The following FGF12 variants were observed in gnomAD, a reference collection of about 807,000 sequenced individuals.
FGF12 encodes the protein fibroblast growth factor 12, also known as fibroblast growth factor 12B.
FGF12 carries 14 observed loss-of-function variants against 23.6 expected under a neutral mutation model. The ratio of observed to expected loss-of-function variants is 0.59; its 90% CI spans 0.39 to 0.93. FGF12 has a LOEUF of 0.93. Among genes scored for constraint, FGF12 ranks in the 40% least tolerant of loss-of-function variants. The pLI is 0.00. For missense variants in FGF12, 175 were observed against 217.8 expected (o/e 0.80, Z 1.24); for synonymous variants, 62 against 77.3 (o/e 0.80, Z 1.04).
rs114970108 is a variant in FGF12, at chr3:192,226,625, G to A, written c.229-55969C>T. Among the ~76,000 whole-genome samples, 1,135 of 152,260 alleles carry A rather than the reference G, an allele frequency of 7.5e-3. 14 individuals carry two copies. The highest frequency in any genetic ancestry group is 0.026 in the African/African-American group (1,080 of 41,546). On this transcript the variant is annotated intron_variant, in intron 4 of 5. Coordinates refer to ENST00000445105, the MANE Select transcript of FGF12 (RefSeq NM_004113.6). Reference sequence around the variant, plus strand: ...CCCTAAGGTGATGGTAACAGGAAGTGGAACCTTTGCAAGGTGATTAGGTCA... The same window carrying A: ...CCCTAAGGTGATGGTAACAGGAAGTAGAACCTTTGCAAGGTGATTAGGTCA...
chr3:192,182,193 T>C (rs1716217781), intron 4 of FGF12, among the ~76,000 whole-genome samples: 1 of 152,070 alleles, frequency 6.6e-6, no homozygotes, highest in South Asian at 2.1e-4. Context: ...CTGGTAATAG[T>C]GTTGGCTCCT....
chr3:192,474,897 A>G (rs113622894), intron 2 of FGF12, among the ~76,000 whole-genome samples: 5 of 149,126 alleles, frequency 3.4e-5, no homozygotes, highest in East Asian at 1.9e-4. Flanking sequence ...AAAAAAAAAA[A>G]AAAGAAAGAA....
intron 2 of FGF12, chr3:192,533,907 C>G (rs1367154226): frequency 6.6e-6 from 1 of 151,952 alleles, no homozygotes; most frequent in Non-Finnish European, 1.5e-5. Context: ...TGCTTGAAAA[C>G]ATAAATGTCG....
intron 2 of FGF12, among the ~76,000 whole-genome samples, chr3:192,443,143 A>G (rs1722253182): frequency 1.3e-5 from 2 of 152,168 alleles, no homozygotes; most frequent in South Asian, 4.1e-4. Flanking sequence ...TCTTTGATTA[A>G]GCTGAAAGAA....
chr3:192,512,736 T>C (rs901071249), intron 2 of FGF12, among the ~76,000 whole-genome samples: 2 of 150,398 alleles, frequency 1.3e-5, no homozygotes, highest in Non-Finnish European at 3.0e-5. Context: ...CTAAATACCA[T>C]TTTACAAGAA....
chr3:192,697,625 G>C (rs1224741564), intron 2 of FGF12, among the ~76,000 whole-genome samples: 1 of 152,142 alleles, frequency 6.6e-6, no homozygotes, highest in Non-Finnish European at 1.5e-5. Flanking sequence ...GTGTTGCCTT[G>C]CATATCTGAG....
At chr3:192,347,091 T>G (rs747010235) in intron 3 of FGF12, among the ~76,000 whole-genome samples, 15 of 152,160 alleles carry the variant, frequency 9.9e-5, no homozygotes, top group African/African-American at 3.6e-4. Flanking sequence ...CAGACTACAC[T>G]CATAATAATT....
chr3:192,533,351 G>C (rs918664262), intron 2 of FGF12, among the ~76,000 whole-genome samples: 1 of 152,118 alleles, frequency 6.6e-6, no homozygotes, highest in African/African-American at 2.4e-5. Flanking sequence ...GGGGAACAAG[G>C]TGGTATTTTT....
intron 2 of FGF12, among the ~76,000 whole-genome samples, chr3:192,594,801 G>C (rs747735808): frequency 6.6e-6 from 1 of 151,864 alleles, no homozygotes; most frequent in Non-Finnish European, 1.5e-5. Flanking sequence ...AGACTTCCCA[G>C]TCTCCAGAAC....
intron 2 of FGF12, among the ~76,000 whole-genome samples, chr3:192,378,080 T>C (rs2692697): frequency 6.6e-5 from 7 of 105,848 alleles, no homozygotes; most frequent in Non-Finnish European, 1.2e-4. Context: ...CTTTCTTTCT[T>C]TCTTTCTTTC....
At chr3:192,351,130 A>T (rs1423120971) in intron 3 of FGF12, among the ~76,000 whole-genome samples, 1 of 152,236 alleles carries the variant, frequency 6.6e-6, no homozygotes, top group Non-Finnish European at 1.5e-5. Context: ...TGTTTAAAAT[A>T]AAAAGTTTCC....
chr3:192,397,835 G>A (rs1022458187), intron 2 of FGF12, among the ~76,000 whole-genome samples: 1 of 150,624 alleles, frequency 6.6e-6, no homozygotes, highest in Admixed American at 6.6e-5. Context: ...TTCTGCCCCT[G>A]TTTCTTAATG....
chr3:192,548,173 GAGA>G (rs1425646349), intron 2 of FGF12, among the ~76,000 whole-genome samples: 2 of 152,148 alleles, frequency 1.3e-5, no homozygotes, highest in Non-Finnish European at 2.9e-5. Flanking sequence ...TGCTGAGGGA[GAGA>G]AGAAGGGTGT....
intron 4 of FGF12, among the ~76,000 whole-genome samples, chr3:192,278,200 T>C (rs979534153): frequency 6.6e-6 from 1 of 152,210 alleles, no homozygotes. Flanking sequence ...TGACAAACTT[T>C]GACTAAGGCA....
At chr3:192,333,483 G>C (rs1202490025) in intron 4 of FGF12, among the ~76,000 whole-genome samples, 1 of 151,876 alleles carries the variant, frequency 6.6e-6, no homozygotes, top group African/African-American at 2.4e-5. Flanking sequence ...AGAATTGTTA[G>C]AGCTGTGACA....
chr3:192,568,121 C>A (rs74669660), intron 2 of FGF12, among the ~76,000 whole-genome samples: 23,271 of 152,046 alleles, frequency 0.15, 2,133 homozygotes, highest in Middle Eastern at 0.34. Context: ...GTGTGAGCAC[C>A]ATGCCCCGCC....
chr3:192,383,674 T>A (rs1051639099), intron 2 of FGF12, among the ~76,000 whole-genome samples: 4 of 152,154 alleles, frequency 2.6e-5, no homozygotes, highest in Admixed American at 2.6e-4. Context: ...TTAGGTTTTA[T>A]GGCTATATAT....
chr3:192,144,681 C>T (rs1412526889), intron 5 of FGF12, among the ~76,000 whole-genome samples: 1 of 152,110 alleles, frequency 6.6e-6, no homozygotes, highest in Non-Finnish European at 1.5e-5. Flanking sequence ...AAACACAGTC[C>T]GTGACTTTGT....
At chr3:192,381,319 G>A (rs541853103) in intron 2 of FGF12, among the ~76,000 whole-genome samples, 16 of 152,072 alleles carry the variant, frequency 1.1e-4, no homozygotes, top group African/African-American at 3.9e-4. Flanking sequence ...TGAAAAATAC[G>A]CACCAAATAA....
Sources: allele counts gnomAD v4.1 joint callset (sites outside exome capture counted in the v4.1 genomes callset), GRCh38; gene constraint gnomAD v4.1.1; transcripts MANE v1.5; gene names NCBI Gene and HGNC (gene_info 2026-07-23, HGNC 2026-07-21).